BTBD9: variants seen among roughly 807,000 people sequenced by gnomAD.
BTBD9 encodes the protein BTB domain containing 9.
BTBD9 carries 49 observed loss-of-function variants against 64.3 expected under a neutral mutation model. The ratio of observed to expected loss-of-function variants is 0.76; its 90% CI spans 0.61 to 0.97. The LOEUF is 0.97. Among genes scored for constraint, BTBD9 ranks in the 50% least tolerant of loss-of-function variants. The probability of loss-of-function intolerance (pLI) is 0.00; values close to 1 mark genes in which losing one functional copy is unlikely to be tolerated. For missense variants in BTBD9, 598 were observed against 762.1 expected (o/e 0.78, Z 2.53); for synonymous variants, 260 against 274.7 (o/e 0.95, Z 0.53).
At chr6:38,635,823 G>C (rs1259242574) in intron 1 of BTBD9, among the ~76,000 whole-genome samples, 2 of 152,106 alleles carry the variant, frequency 1.3e-5, no homozygotes, top group African/African-American at 4.8e-5. Flanking sequence ...ATCAGTTCTT[G>C]TCTTAGTTTG....
chr6:38,638,695 C>G (rs1778615281), intron 1 of BTBD9, among the ~76,000 whole-genome samples: 1 of 152,168 alleles, frequency 6.6e-6, no homozygotes, highest in South Asian at 2.1e-4. Flanking sequence ...AATTTTAGAC[C>G]TAAATGAGAA....
chr6:38,604,593 T>C (rs1777363404), intron 1 of BTBD9, among the ~76,000 whole-genome samples: 1 of 152,210 alleles, frequency 6.6e-6, no homozygotes, highest in Non-Finnish European at 1.5e-5. Flanking sequence ...ACAAGTAATG[T>C]AAATTCTAAA....
intron 6 of BTBD9, among the ~76,000 whole-genome samples, chr6:38,388,112 G>A (rs1337442719): frequency 6.6e-6 from 1 of 151,518 alleles, no homozygotes; most frequent in Non-Finnish European, 1.5e-5. Flanking sequence ...AGTGAAATCT[G>A]GTTTTATGAT....
chr6:38,465,707 TTATATATATATATA>T (rs1157324453), intron 6 of BTBD9, among the ~76,000 whole-genome samples: 826 of 46,742 alleles, frequency 0.018, 11 homozygotes, highest in Admixed American at 0.024. Context: ...AATAAATAAA[TTATATATATATATA>T]TATATATATA....
At chr6:38,260,628 T>C (rs1431193915) in intron 8 of BTBD9, among the ~76,000 whole-genome samples, 2 of 152,242 alleles carry the variant, frequency 1.3e-5, no homozygotes. Context: ...TTAAGTTGTA[T>C]ATATCATGCT....
At chr6:38,179,766 G>A (rs1761463871) in intron 10 of BTBD9, 1 of 456,622 alleles carries the variant, frequency 2.2e-6, no homozygotes, top group Non-Finnish European at 4.4e-6. Context: ...TACCAGCACG[G>A]GATCAGTAAT....
At chr6:38,224,985 C>G (rs1387667393) in intron 9 of BTBD9, among the ~76,000 whole-genome samples, 1 of 152,184 alleles carries the variant, frequency 6.6e-6, no homozygotes, top group Admixed American at 6.5e-5. Context: ...AGGTAACTAA[C>G]TTCTGATGGA....
chr6:38,264,538 C>T (rs1764904428), intron 8 of BTBD9, among the ~76,000 whole-genome samples: 2 of 152,208 alleles, frequency 1.3e-5, no homozygotes. Context: ...CTATTCTAAT[C>T]TCTGCTACTG....
chr6:38,510,135 A>G (rs1287667474), intron 6 of BTBD9, among the ~76,000 whole-genome samples: 1 of 152,210 alleles, frequency 6.6e-6, no homozygotes, highest in Non-Finnish European at 1.5e-5. Flanking sequence ...ATGCTTAACA[A>G]CTGGGATACA....
intron 9 of BTBD9, among the ~76,000 whole-genome samples, chr6:38,216,208 C>T (rs1352093027): frequency 6.6e-6 from 1 of 152,226 alleles, no homozygotes; most frequent in East Asian, 1.9e-4. Flanking sequence ...TGGGCCTCTA[C>T]TCTGAGTGAT....
At chr6:38,514,256 T>C (rs1427380234) in intron 6 of BTBD9, among the ~76,000 whole-genome samples, 1 of 152,244 alleles carries the variant, frequency 6.6e-6, no homozygotes, top group Admixed American at 6.5e-5. Flanking sequence ...AAAAGTGCTT[T>C]ATAAACTACA....
intron 6 of BTBD9, among the ~76,000 whole-genome samples, chr6:38,493,345 G>T (rs1482766297): frequency 2.0e-5 from 3 of 152,094 alleles, no homozygotes; most frequent in Non-Finnish European, 4.4e-5. Flanking sequence ...AAACAGCAGG[G>T]GCTTTTAGTT....
Position 38,296,140 on chromosome 6 carries a change from C to T in BTBD9, c.1265-7679G>A, listed in dbSNP as rs1180406589. On this transcript the variant is annotated intron_variant, in intron 7 of 10. Coordinates refer to ENST00000481247, the MANE Select transcript of BTBD9 (RefSeq NM_001099272.2). Reference sequence around the variant, plus strand: ...TGCCTTTACCATGCTGTCTTAATTACCATAATTTTAAAGTAATTGTAAATC... The same window carrying T: ...TGCCTTTACCATGCTGTCTTAATTATCATAATTTTAAAGTAATTGTAAATC... 2.0e-5 allele frequency among the ~76,000 whole-genome samples: 3 copies of T among 152,170 alleles called. No individual in the cohort carries two copies. In the East Asian group the frequency reaches 5.8e-4, roughly 29 times the overall value.
intron 6 of BTBD9, among the ~76,000 whole-genome samples, chr6:38,436,565 G>A (rs12526608): frequency 0.038 from 5,699 of 151,692 alleles, 205 homozygotes; most frequent in East Asian, 0.13. Context: ...TAGTAGAGAC[G>A]GAGTTTCACC....
At chr6:38,266,752 C>CT (rs1265763008) in intron 8 of BTBD9, among the ~76,000 whole-genome samples, 2 of 152,000 alleles carry the variant, frequency 1.3e-5, no homozygotes, top group Non-Finnish European at 2.9e-5. Context: ...GCCAAACAGC[C>CT]CTTGAGAAGA....
chr6:38,526,078 C>T (rs1253265194), intron 6 of BTBD9, among the ~76,000 whole-genome samples: 4 of 152,224 alleles, frequency 2.6e-5, no homozygotes, highest in Non-Finnish European at 4.4e-5. Flanking sequence ...GAGACCTTCA[C>T]AGCAAACCTC....
intron 8 of BTBD9, 47 bp from the exon 9 acceptor site, chr6:38,256,563 T>C (rs767003719): frequency 7.1e-7 from 1 of 1,414,252 alleles, no homozygotes; most frequent in South Asian, 1.2e-5. Context: ...TTTTAACTGG[T>C]TGTTTCTTTA....
intron 8 of BTBD9, among the ~76,000 whole-genome samples, chr6:38,258,140 C>T (rs1237853186): frequency 6.6e-6 from 1 of 151,986 alleles, no homozygotes; most frequent in African/African-American, 2.4e-5. Flanking sequence ...CATCTGCCAC[C>T]ATGCCCAGCT....
chr6:38,573,038 CAAAAA>C (rs973332511), intron 6 of BTBD9, among the ~76,000 whole-genome samples: 2 of 151,696 alleles, frequency 1.3e-5, no homozygotes, highest in African/African-American at 4.8e-5. Context: ...TCTCACAAGA[CAAAAA>C]GAAAACTATC....
Sources: gnomAD v4.1 joint callset for allele counts (sites outside exome capture counted in the v4.1 genomes callset) on GRCh38, gnomAD v4.1.1 for gene constraint, MANE v1.5 for transcripts, NCBI Gene and HGNC (gene_info 2026-07-23, HGNC 2026-07-21) for gene names.